C14orf39: variants seen among roughly 807,000 people sequenced by gnomAD.
C14orf39 encodes protein SIX6OS1.
In C14orf39, 66 loss-of-function variants were observed where a neutral mutation model predicts 85.6. That is an observed-to-expected ratio of 0.77 (90% confidence interval 0.63 to 0.95). The LOEUF (loss-of-function observed/expected upper bound fraction) is 0.95. Among genes scored for constraint, C14orf39 ranks in the 40% least tolerant of loss-of-function variants. The pLI, the probability that C14orf39 is intolerant of heterozygous loss-of-function variation, is 0.00. For missense variants in C14orf39, 735 were observed against 663.9 expected (o/e 1.11, Z -1.18); for synonymous variants, 242 against 214.0 (o/e 1.13, Z -1.14).
intron 7 of C14orf39, 43 bp downstream of exon 7, chr14:60,471,374 C>T (rs777171517): frequency 4.4e-6 from 6 of 1,361,400 alleles, no homozygotes; most frequent in Non-Finnish European, 6.1e-6. Context: ...CAAAATAATG[C>T]TTATCTAATA....
chr14:60,501,079 G>T (rs567379103), intron 1 of C14orf39, among the ~76,000 whole-genome samples: 2 of 150,954 alleles, frequency 1.3e-5, no homozygotes, highest in South Asian at 4.2e-4. Context: ...GTGAAGGAGG[G>T]TCACTTGAGG....
intron 5 of C14orf39, among the ~76,000 whole-genome samples, chr14:60,477,412 T>C (rs1892430827): frequency 6.6e-6 from 1 of 152,166 alleles, no homozygotes; most frequent in African/African-American, 2.4e-5. Flanking sequence ...ATATTAAAAA[T>C]AAAAACATTT....
chr14:60,458,308 A>G (rs1891370716), intron 14 of C14orf39, among the ~76,000 whole-genome samples: 1 of 151,852 alleles, frequency 6.6e-6, no homozygotes, highest in Non-Finnish European at 1.5e-5. Context: ...GTAACCACCA[A>G]TCTATCCTGT....
At chr14:60,487,492 C>T (rs116443899), upstream of C14orf39, among the ~76,000 whole-genome samples, 4 of 150,142 alleles carry the variant, frequency 2.7e-5, no homozygotes, top group Non-Finnish European at 3.0e-5. Flanking sequence ...AATAAAAGTC[C>T]GTGTGTGTGT....
chr14:60,496,524 G>A, intron 2 of C14orf39: 1 of 235,826 alleles, frequency 4.2e-6, no homozygotes, highest in South Asian at 6.7e-5. Context: ...CTGGGTGGCT[G>A]GTGGCTCAGT....
rs1014999629 is a variant in C14orf39 at position 60,515,223 on chromosome 14, C to G, written c.-144+172G>C. 3.3e-5 allele frequency: 5 copies of G among 151,404 alleles called. No individual in the cohort carries two copies. The highest frequency in any genetic ancestry group is 7.4e-5 in the Non-Finnish European group (5 of 67,580). The allele number at this position is 151,404 out of a possible 1,614,324, so 9.4% of individuals were successfully genotyped here. ...GAAATGGCGGCTGGAGCGGCGGGCGCGTGGGTCCCCTCGGGGAGGCGCCCC... is the reference window on the plus strand; with the variant it reads ...GAAATGGCGGCTGGAGCGGCGGGCGGGTGGGTCCCCTCGGGGAGGCGCCCC... On this transcript the variant is annotated intron_variant, in intron 1 of 5. Transcript: ENST00000556799. This position sits in a 1 kb window ranked among gnomAD's most constrained non-coding sequence, Gnocchi z 6.2.
At chr14:60,470,533 T>C (rs1892027404) in intron 7 of C14orf39, among the ~76,000 whole-genome samples, 1 of 151,928 alleles carries the variant, frequency 6.6e-6, no homozygotes, top group African/African-American at 2.4e-5. Flanking sequence ...CCTCTTCCTG[T>C]TTGTCATGCA....
intron 8 of C14orf39, 55 bp from the exon 9 acceptor site, chr14:60,468,591 A>G: frequency 2.0e-6 from 2 of 1,002,320 alleles, no homozygotes; most frequent in Non-Finnish European, 2.9e-6. Context: ...AGCAGTAAAA[A>G]AAGATATGCT....
chr14:60,479,546 T>C (rs2140149548), intron 4 of C14orf39, among the ~76,000 whole-genome samples: 1 of 152,270 alleles, frequency 6.6e-6, no homozygotes, highest in South Asian at 2.1e-4. Context: ...AAAATAAAAA[T>C]TGGAATTATT....
intron 6 of C14orf39, 37 bp downstream of exon 6, chr14:60,471,515 T>A: frequency 1.3e-6 from 2 of 1,569,980 alleles, no homozygotes; most frequent in Non-Finnish European, 1.7e-6. Context: ...ATTACAAAGA[T>A]ATCATAATTA....
intron 17 of C14orf39, among the ~76,000 whole-genome samples, chr14:60,440,173 C>G (rs1179043319): frequency 6.6e-6 from 1 of 152,116 alleles, no homozygotes; most frequent in Non-Finnish European, 1.5e-5. Context: ...CATTAAATAC[C>G]ATTTATAAAA....
At chr14:60,449,891 T>C (rs1890956465) in intron 16 of C14orf39, among the ~76,000 whole-genome samples, 2 of 152,250 alleles carry the variant, frequency 1.3e-5, no homozygotes, top group African/African-American at 4.8e-5. Context: ...TAATTTTTGA[T>C]AGGCTGGATT....
intron 16 of C14orf39, among the ~76,000 whole-genome samples, chr14:60,454,446 C>A (rs999889292): frequency 6.6e-6 from 1 of 151,918 alleles, no homozygotes; most frequent in African/African-American, 2.4e-5. Context: ...TGGTACACAC[C>A]TAAGTAGTCT....
chr14:60,441,657 C>T (rs1397877839), intron 17 of C14orf39, among the ~76,000 whole-genome samples: 1 of 151,910 alleles, frequency 6.6e-6, no homozygotes, highest in African/African-American at 2.4e-5. Flanking sequence ...AAATATAATA[C>T]ACGTACATAT....
intron 17 of C14orf39, among the ~76,000 whole-genome samples, chr14:60,440,429 T>TC (rs1265712351): frequency 6.6e-6 from 1 of 152,162 alleles, no homozygotes; most frequent in Non-Finnish European, 1.5e-5. Context: ...AATCCTTATA[T>TC]CCAGTCCATA....
intron 4 of C14orf39, among the ~76,000 whole-genome samples, chr14:60,481,600 T>A (rs4901985): frequency 6.6e-6 from 1 of 152,042 alleles, no homozygotes; most frequent in East Asian, 1.9e-4. Flanking sequence ...GAGTTGATAT[T>A]CTTATTTCTT....
At chr14:60,470,228 A>T (rs996271609) in intron 7 of C14orf39, among the ~76,000 whole-genome samples, 2 of 151,808 alleles carry the variant, frequency 1.3e-5, no homozygotes, top group Non-Finnish European at 2.9e-5. Context: ...CCCAATTTCA[A>T]GTAAAAAATC....
chr14:60,474,443 T>C (rs143414599), intron 5 of C14orf39, among the ~76,000 whole-genome samples: 466 of 26,410 alleles, frequency 0.018, 22 homozygotes, highest in Admixed American at 0.027. Flanking sequence ...CTATGTTGAA[T>C]AGGAGTGGTG....
intron 14 of C14orf39, 76 bp from the exon 15 acceptor site, chr14:60,457,171 G>T: frequency 1.1e-6 from 1 of 876,512 alleles, no homozygotes; most frequent in East Asian, 2.8e-5. Flanking sequence ...TGCATGAGGT[G>T]GAAAATACCT....
Sources: allele counts gnomAD v4.1 joint callset (sites outside exome capture counted in the v4.1 genomes callset), GRCh38; gene constraint gnomAD v4.1.1; non-coding constraint Gnocchi (gnomAD v3.1); transcripts MANE v1.5; gene names NCBI Gene and HGNC (gene_info 2026-07-23, HGNC 2026-07-21).